The following FRMPD2 variants were observed in gnomAD, a reference collection of about 807,000 sequenced individuals.
The protein encoded by FRMPD2 is FERM and PDZ domain containing 2, also known as FERM and PDZ domain-containing protein 2.
A neutral mutation model predicts 140.1 loss-of-function variants in FRMPD2; 96 were observed. The observed-to-expected ratio is 0.69, with a 90% CI of 0.58 to 0.81. The LOEUF (loss-of-function observed/expected upper bound fraction) is 0.81, where lower values mean the gene tolerates loss of function less well. Among genes scored for constraint, FRMPD2 ranks in the 40% least tolerant of loss-of-function variants. FRMPD2 has a pLI of 0.00. For missense variants in FRMPD2, 1,240 were observed against 1,447.4 expected (o/e 0.86, Z 2.32); for synonymous variants, 449 against 547.6 (o/e 0.82, Z 2.52).
At position 48,274,470 on chromosome 10, in the gene FRMPD2, C is replaced by T; in HGVS notation, c.25+73G>A. On this transcript the variant is annotated intron_variant, in intron 1 of 28. Coordinates refer to ENST00000374201, the MANE Select transcript of FRMPD2 (RefSeq NM_001018071.4). ...GCTGTGTTCTTCTTATTCCGGATAC[C>T]TAGACCCAGTAAGAAGTTTGCCCTT... 8 of 1,330,426 alleles carry T rather than the reference C, an allele frequency of 6.0e-6. No homozygotes were observed. The South Asian group carries it at 9.6e-5, about 16-fold the overall frequency. The allele number at this position is 1,330,426 out of a possible 1,614,324, so 82.4% of individuals were successfully genotyped here.
At chr10:48,171,453 TAAAAG>T (rs1172812855) in intron 25 of FRMPD2, among the ~76,000 whole-genome samples, 2 of 152,022 alleles carry the variant, frequency 1.3e-5, no homozygotes, top group Non-Finnish European at 1.5e-5. Context: ...TACATTAAAA[TAAAAG>T]GAAAAAGCAA....
At chr10:48,184,490 C>A in intron 20 of FRMPD2, 76 bp downstream of exon 20, 1 of 900,070 alleles carries the variant, frequency 1.1e-6, no homozygotes, top group South Asian at 1.4e-5. Flanking sequence ...ACTTCAAGGT[C>A]TAGTACCTCA....
At chr10:48,174,579 CT>C (rs1218417287) in intron 24 of FRMPD2, among the ~76,000 whole-genome samples, 10 of 151,296 alleles carry the variant, frequency 6.6e-5, no homozygotes, top group Non-Finnish European at 1.5e-4. Context: ...ACTCCATCTT[CT>C]CCATTCCGCT....
chr10:48,248,047 C>A (rs1297938876), intron 3 of FRMPD2, among the ~76,000 whole-genome samples: 1 of 152,188 alleles, frequency 6.6e-6, no homozygotes, highest in Non-Finnish European at 1.5e-5. Context: ...AATCTGGAAA[C>A]CACCACATCC....
At chr10:48,232,723 A>C (rs944246830) in intron 9 of FRMPD2, among the ~76,000 whole-genome samples, 5 of 152,228 alleles carry the variant, frequency 3.3e-5, no homozygotes, top group Non-Finnish European at 5.9e-5. Context: ...GCACAGGTTA[A>C]TTAATTCTAA....
chr10:48,159,523 T>A (rs1234059054), intron 28 of FRMPD2, among the ~76,000 whole-genome samples: 1 of 151,812 alleles, frequency 6.6e-6, no homozygotes, highest in Non-Finnish European at 1.5e-5. Flanking sequence ...GGCAACTGCA[T>A]CCCTCCCTAA....
At chr10:48,218,727 T>C (rs1839510979) in intron 12 of FRMPD2, among the ~76,000 whole-genome samples, 1 of 152,082 alleles carries the variant, frequency 6.6e-6, no homozygotes. Context: ...TGGAAAGCCA[T>C]GAAAGGCAAA....
At chr10:48,239,815 T>C (rs1840061258) in intron 6 of FRMPD2, 123 bp from the exon 7 acceptor site, 1 of 674,336 alleles carries the variant, frequency 1.5e-6, no homozygotes, top group East Asian at 2.7e-5. Flanking sequence ...TGAAATTCCT[T>C]AGCCTCTCTG....
intron 22 of FRMPD2, among the ~76,000 whole-genome samples, chr10:48,176,583 A>G (rs1554792199): frequency 1.7e-3 from 256 of 150,282 alleles, no homozygotes; most frequent in African/African-American, 6.1e-3. Flanking sequence ...ACATTTCAAG[A>G]ATTATTTTTG....
chr10:48,195,481 A>C (rs969114658), intron 15 of FRMPD2, among the ~76,000 whole-genome samples: 1 of 152,232 alleles, frequency 6.6e-6, no homozygotes, highest in Admixed American at 6.5e-5. Flanking sequence ...TTTACCTTCA[A>C]ATGAACAAAG....
chr10:48,267,999 C>T (rs1235955604), intron 1 of FRMPD2, among the ~76,000 whole-genome samples: 5 of 152,190 alleles, frequency 3.3e-5, no homozygotes, highest in Non-Finnish European at 1.5e-5. Context: ...GGAGTACTCA[C>T]ATGTAGGATG....
chr10:48,185,022 T>C lies in FRMPD2; in HGVS notation c.2360-141A>G, dbSNP rs1588813122. The C allele has an allele frequency of 4.9e-6, 3 of 614,902 alleles. No individual in the cohort carries two copies. The East Asian group carries it at 8.3e-5, about 17-fold the overall frequency. 38.1% of individuals were successfully genotyped at this position (614,902 alleles called of 1,614,324 possible). A position where few individuals can be genotyped will look rare whatever the true frequency, so the allele number is the denominator to read the frequency against. ...ACAGTCAGGTCTTCTGATCCTCAAA[T>C]AGAGGATCTTTTCTACTTTACCATG... On this transcript the variant is annotated intron_variant, in intron 18 of 28. Coordinates refer to ENST00000374201, the MANE Select transcript of FRMPD2 (RefSeq NM_001018071.4).
intron 14 of FRMPD2, among the ~76,000 whole-genome samples, chr10:48,202,475 T>G (rs11101259): frequency 0.34 from 51,210 of 152,094 alleles, 10,390 homozygotes; most frequent in African/African-American, 0.57. Flanking sequence ...TAGATAAGTT[T>G]CTCATTCTCT....
At chr10:48,191,687 A>T (rs140251319) in intron 16 of FRMPD2, among the ~76,000 whole-genome samples, 1 of 152,210 alleles carries the variant, frequency 6.6e-6, no homozygotes, top group African/African-American at 2.4e-5. Context: ...TCCCAAAAAA[A>T]CAGCTCCTGC....
chr10:48,254,052 C>A (rs1439015132), intron 1 of FRMPD2, among the ~76,000 whole-genome samples: 2 of 150,388 alleles, frequency 1.3e-5, no homozygotes, highest in Non-Finnish European at 2.9e-5. Flanking sequence ...TTACTCATCA[C>A]CCTTTCAATT....
chr10:48,241,836 A>G (rs191049771), intron 5 of FRMPD2, among the ~76,000 whole-genome samples: 31 of 152,312 alleles, frequency 2.0e-4, no homozygotes, highest in Non-Finnish European at 4.0e-4. Context: ...AAACTGAATC[A>G]TGGGTTCTAA....
chr10:48,218,541 A>G (rs199928984), intron 12 of FRMPD2, among the ~76,000 whole-genome samples: 4 of 152,260 alleles, frequency 2.6e-5, no homozygotes, highest in South Asian at 2.1e-4. Flanking sequence ...TAGGGTGACC[A>G]TGGGGTTAGA....
intron 10 of FRMPD2, among the ~76,000 whole-genome samples, chr10:48,231,346 G>T (rs1452607202): frequency 6.6e-6 from 1 of 152,196 alleles, no homozygotes; most frequent in Non-Finnish European, 1.5e-5. Context: ...TGCTACATGA[G>T]TCACACAAGG....
At position 48,222,403 on chromosome 10, in the gene FRMPD2, G is replaced by A; in HGVS notation, c.1365C>T (p.Ile455=). 6.2e-7 allele frequency: 1 copy of A among 1,614,154 alleles called. No individual in the cohort carries two copies. The highest frequency in any genetic ancestry group is 1.1e-5 in the South Asian group (1 of 91,088). ...HQFYLQLRKD[I]LEERLYCNEE... is the part of the protein sequence containing the mutation. ...CATTGCAGTACAGCCTCTCCTCCAG[G>A]ATATCTTTCCGAAGCTGCAGGTAAA... The change falls in exon 12 of 29, where the codon ATC becomes ATT. Residue 455 remains isoleucine, a synonymous_variant. Coordinates refer to ENST00000374201, the MANE Select transcript of FRMPD2 (RefSeq NM_001018071.4).
Sources: allele counts gnomAD v4.1 joint callset (sites outside exome capture counted in the v4.1 genomes callset), GRCh38; gene constraint gnomAD v4.1.1; transcripts MANE v1.5; gene names NCBI Gene and HGNC (gene_info 2026-07-23, HGNC 2026-07-21).